The following CPVL variants were observed in gnomAD, a reference collection of about 807,000 sequenced individuals.
CPVL encodes carboxypeptidase vitellogenic like.
CPVL carries 51 observed loss-of-function variants against 63.7 expected under a neutral mutation model. The observed-to-expected ratio is 0.80, with a 90% CI of 0.64 to 1.01. The LOEUF (loss-of-function observed/expected upper bound fraction) is 1.01, where lower values mean the gene tolerates loss of function less well. Among genes scored for constraint, CPVL ranks in the 50% least tolerant of loss-of-function variants. CPVL has a pLI of 0.00. For missense variants in CPVL, 530 were observed against 573.1 expected (o/e 0.92, Z 0.77); for synonymous variants, 195 against 206.0 (o/e 0.95, Z 0.46).
chr7:29,107,319 G>A (rs1787813458), intron 3 of CPVL, among the ~76,000 whole-genome samples: 1 of 152,196 alleles, frequency 6.6e-6, no homozygotes, highest in South Asian at 2.1e-4. Flanking sequence ...CTGAAGGCTG[G>A]CTACCACACA....
chr7:29,077,925 T>C (rs1481533281), intron 7 of CPVL, among the ~76,000 whole-genome samples: 1 of 152,176 alleles, frequency 6.6e-6, no homozygotes, highest in Admixed American at 6.5e-5. Context: ...TAGCCTAGGG[T>C]AGAATCTTAC....
chr7:29,116,702 T>G (rs1788807878), intron 2 of CPVL, among the ~76,000 whole-genome samples: 1 of 152,208 alleles, frequency 6.6e-6, no homozygotes, highest in Non-Finnish European at 1.5e-5. Context: ...AGTAAAATAG[T>G]CTTTAAAGTG....
intron 3 of CPVL, among the ~76,000 whole-genome samples, chr7:29,110,159 G>C (rs1195299594): frequency 6.6e-6 from 1 of 152,202 alleles, no homozygotes; most frequent in Non-Finnish European, 1.5e-5. Context: ...ACTGACTGGT[G>C]TCAAAAACAA....
Position 29,041,126 on chromosome 7 carries a change from A to ATTTT in CPVL, c.1138-10371_1138-10368dup, listed in dbSNP as rs1191228187. Among the ~76,000 whole-genome samples the ATTTT allele has an allele frequency of 3.3e-3, 341 of 104,908 alleles. 4 individuals are homozygous for ATTTT. Among genetic ancestry groups the ATTTT allele is most frequent in the African/African-American group, 0.012 (330 of 27,806 alleles). The allele number at this position is 104,908 out of a possible 152,430, so 68.8% of individuals were successfully genotyped here. ...TCCTCTGACCATGATCAATAACTGGATTTTTTTTTTTTTTTTTTTTTTTGA... is the reference window on the plus strand; with the variant it reads ...TCCTCTGACCATGATCAATAACTGGATTTTTTTTTTTTTTTTTTTTTTTTTTTGA... On this transcript the variant is annotated intron_variant, in intron 11 of 12. Coordinates refer to ENST00000265394, the MANE Select transcript of CPVL (RefSeq NM_031311.5).
chr7:29,123,156 G>A (rs905706767), intron 1 of CPVL, among the ~76,000 whole-genome samples: 32 of 152,206 alleles, frequency 2.1e-4, no homozygotes, highest in Admixed American at 1.9e-3. Context: ...AATACAAAAC[G>A]TGTAAAAATC....
chr7:29,071,707 T>TCGGGC, intron 9 of CPVL, 66 bp downstream of exon 9: 9 of 867,446 alleles, frequency 1.0e-5, no homozygotes, highest in Non-Finnish European at 1.3e-5. Flanking sequence ...GTGTTCCTGC[T>TCGGGC]CACCCGCCCT....
In CPVL at chr7:29,096,233, A is replaced by C; in HGVS notation, c.289-16T>G. On this transcript the variant is annotated splice_polypyrimidine_tract_variant and intron_variant, in intron 3 of 12. Transcript: ENST00000265394. ...CTGGCTGTATCTAGAGGAAACAGTA[A>C]AACCAGTGACCACACAGAACACTCA... 1 of 1,585,988 alleles carries C rather than the reference A, an allele frequency of 6.3e-7. No homozygotes were observed. The highest frequency in any genetic ancestry group is 8.7e-7 in the Non-Finnish European group (1 of 1,154,392).
intron 1 of CPVL, chr7:29,195,028 G>C (rs770357866): frequency 6.3e-7 from 1 of 1,575,986 alleles, no homozygotes; most frequent in South Asian, 1.1e-5. Context: ...GCCGCGCCGG[G>C]TCTCGCCCCA....
chr7:29,180,961 A>G (rs1695455408), intron 5 of CPVL, among the ~76,000 whole-genome samples: 2 of 152,240 alleles, frequency 1.3e-5, no homozygotes, highest in Admixed American at 6.5e-5. Context: ...CCCAGTACTT[A>G]CTATTATTTT....
intron 5 of CPVL, among the ~76,000 whole-genome samples, chr7:29,094,833 G>A (rs1019508634): frequency 9.9e-5 from 15 of 151,324 alleles, no homozygotes; most frequent in Admixed American, 3.3e-4. Context: ...GCGACAGAGC[G>A]AGACTCCATC....
At chr7:29,149,830 C>T (rs1793345935), upstream of CPVL, among the ~76,000 whole-genome samples, 1 of 152,146 alleles carries the variant, frequency 6.6e-6, no homozygotes, top group Admixed American at 6.5e-5. Context: ...AGTGTCTCCC[C>T]TCCATGTGTC....
intron 11 of CPVL, among the ~76,000 whole-genome samples, chr7:29,052,561 C>A (rs1282022456): frequency 1.3e-5 from 2 of 151,644 alleles, no homozygotes; most frequent in Non-Finnish European, 2.9e-5. Context: ...AAAAGACAAC[C>A]CAGAGAATAG....
chr7:29,025,800 A>T (rs1482967003), intron 12 of CPVL, among the ~76,000 whole-genome samples: 1 of 152,226 alleles, frequency 6.6e-6, no homozygotes, highest in Non-Finnish European at 1.5e-5. Flanking sequence ...TGCAGCCAAC[A>T]CTGGAGCACC....
rs368938399 is a variant in CPVL at position 29,036,162 on chromosome 7, G to A, written c.1138-5403C>T. ...ATGAAATCCAAACTCATACACCTTC[G>A]GACCAGTGCAGTGCATGCCAACACA... On this transcript the variant is annotated intron_variant, in intron 11 of 12. Transcript: ENST00000265394. Among the ~76,000 whole-genome samples the A allele has an allele frequency of 7.2e-5, 11 of 152,242 alleles. No individual in the cohort carries two copies. In the East Asian group the frequency reaches 1.5e-3, roughly 21 times the overall value.
At chr7:29,018,850 T>C (rs1288350750) in intron 12 of CPVL, among the ~76,000 whole-genome samples, 1 of 152,116 alleles carries the variant, frequency 6.6e-6, no homozygotes, top group African/African-American at 2.4e-5. Flanking sequence ...TTGAGAGCAA[T>C]GGCCATGGGT....
At chr7:29,033,024 T>C (rs962754344) in intron 11 of CPVL, among the ~76,000 whole-genome samples, 4 of 152,194 alleles carry the variant, frequency 2.6e-5, no homozygotes, top group African/African-American at 7.2e-5. Flanking sequence ...AAGAGCTGAA[T>C]TGCACAATCT....
intron 9 of CPVL, 27 bp from the exon 10 acceptor site, chr7:29,066,148 A>G (rs1208489506): frequency 8.6e-7 from 1 of 1,159,326 alleles, no homozygotes; most frequent in African/African-American, 1.5e-5. Flanking sequence ...GGAGAAAGAA[A>G]GAAAGAAAGA....
intron 5 of CPVL, among the ~76,000 whole-genome samples, chr7:29,154,659 C>G (rs763401079): frequency 2.6e-5 from 4 of 151,976 alleles, no homozygotes; most frequent in Non-Finnish European, 5.9e-5. Flanking sequence ...CATGGTGAAA[C>G]TTCATCTCTA....
In CPVL at chr7:29,120,844, A is replaced by C. The variant is rs778710402; in HGVS notation, c.169+49T>G. 3.4e-6 allele frequency: 5 copies of C among 1,478,426 alleles called. No homozygotes were observed. In the South Asian group the frequency reaches 6.2e-5, roughly 18 times the overall value. The allele number at this position is 1,478,426 out of a possible 1,614,324, so 91.6% of individuals were successfully genotyped here. ...AAAAAAAAAAAAAAAAAAAAGAGAA[A>C]CTGTTGAACTCATGCCAGTGGTTTT... On this transcript the variant is annotated intron_variant, in intron 2 of 12. Coordinates refer to ENST00000265394, the MANE Select transcript of CPVL (RefSeq NM_031311.5).
Sources: allele counts gnomAD v4.1 joint callset (sites outside exome capture counted in the v4.1 genomes callset), GRCh38; gene constraint gnomAD v4.1.1; transcripts MANE v1.5; gene names NCBI Gene and HGNC (gene_info 2026-07-23, HGNC 2026-07-21).